Variants in ZNG1E observed in about 807,000 individuals in gnomAD.
The protein encoded by ZNG1E is Zn regulated GTPase metalloprotein activator 1E.
the ZNG1E span, among the ~76,000 whole-genome samples, chr9:65,675,126 A>G: frequency 6.6e-6 from 1 of 152,046 alleles, no homozygotes; most frequent in Non-Finnish European, 1.5e-5. Context: ...GAACCAATTC[A>G]TGACTGTTGT....
chr9:65,673,817 G>A, the ZNG1E span, among the ~76,000 whole-genome samples: 2 of 152,298 alleles, frequency 1.3e-5, no homozygotes, highest in Non-Finnish European at 2.9e-5. Flanking sequence ...AAAACAGAAA[G>A]AGGGATTTTA....
chr9:65,726,434 G>A, the ZNG1E span, among the ~76,000 whole-genome samples: 3 of 71,738 alleles, frequency 4.2e-5, no homozygotes, highest in African/African-American at 5.0e-5. Context: ...GAATTCACTA[G>A]GTTGGTTATT....
chr9:65,669,410 A>G, the ZNG1E span, among the ~76,000 whole-genome samples: 10 of 150,566 alleles, frequency 6.6e-5, no homozygotes, highest in Admixed American at 6.7e-5. Context: ...TATAGCCACA[A>G]ATGTCCATTT....
chr9:65,684,718 C>G, the ZNG1E span, among the ~76,000 whole-genome samples: 41 of 152,214 alleles, frequency 2.7e-4, no homozygotes, highest in Non-Finnish European at 4.7e-4. Context: ...TCTACTGAAT[C>G]GGAATCTCTA....
chr9:65,663,975 G>A, the ZNG1E span, among the ~76,000 whole-genome samples: 3 of 148,972 alleles, frequency 2.0e-5, no homozygotes, highest in East Asian at 2.0e-4. Context: ...ATATATATAT[G>A]TATAGCATAT....
At chr9:65,709,503 T>TC in the ZNG1E span, among the ~76,000 whole-genome samples, 1 of 94,738 alleles carries the variant, frequency 1.1e-5, no homozygotes, top group Non-Finnish European at 2.0e-5. Context: ...CCCTCCCCCC[T>TC]CCCCCCAACC....
chr9:65,687,682 A>T, the ZNG1E span, among the ~76,000 whole-genome samples: 1 of 150,818 alleles, frequency 6.6e-6, no homozygotes, highest in African/African-American at 2.4e-5. Flanking sequence ...CCTGAAAAAT[A>T]ACTTGTTTGG....
At chr9:65,666,883 C>T in the ZNG1E span, among the ~76,000 whole-genome samples, 42 of 151,784 alleles carry the variant, frequency 2.8e-4, no homozygotes, top group East Asian at 9.6e-4. Context: ...TGCAATGGCA[C>T]GATCTTGGCT....
chr9:65,718,943 G>A, the ZNG1E span, among the ~76,000 whole-genome samples: 1 of 57,678 alleles, frequency 1.7e-5, no homozygotes, highest in African/African-American at 6.7e-5. Flanking sequence ...TTAAATGTTC[G>A]TTGTTAGATT....
chr9:65,699,157 A>C, the ZNG1E span, among the ~76,000 whole-genome samples: 7 of 150,298 alleles, frequency 4.7e-5, no homozygotes, highest in Non-Finnish European at 8.9e-5. Context: ...TCCTGACCTC[A>C]GGTGATCCAC....
the ZNG1E span, among the ~76,000 whole-genome samples, chr9:65,710,688 G>A: frequency 1.3e-5 from 2 of 150,912 alleles, no homozygotes; most frequent in African/African-American, 4.9e-5. Context: ...TATTTCTGAG[G>A]GCTCTGTTCT....
At chr9:65,721,066 G>C in the ZNG1E span, among the ~76,000 whole-genome samples, 1 of 149,922 alleles carries the variant, frequency 6.7e-6, no homozygotes, top group African/African-American at 2.5e-5. Flanking sequence ...TAAAGAACGT[G>C]ATGCCAAGAA....
At chr9:65,724,114 A>T in the ZNG1E span, among the ~76,000 whole-genome samples, 1 of 148,064 alleles carries the variant, frequency 6.8e-6, no homozygotes, top group East Asian at 2.0e-4. Flanking sequence ...ACCAACTATG[A>T]GTTGTGACCC....
the ZNG1E span, chr9:65,708,073 CCAGGATGGT>C: frequency 1.3e-5 from 2 of 149,134 alleles, no homozygotes; most frequent in Non-Finnish European, 1.5e-5. Flanking sequence ...TTGTCCATGG[CCAGGATGGT>C]CTTGATCTTG....
the ZNG1E span, among the ~76,000 whole-genome samples, chr9:65,701,733 GA>G: frequency 7.4e-6 from 1 of 135,222 alleles, no homozygotes; most frequent in African/African-American, 2.9e-5. Context: ...GGCTGATTTT[GA>G]AAAGGAGAAA....
chr9:65,666,957 A>T, the ZNG1E span, among the ~76,000 whole-genome samples: 1,286 of 151,298 alleles, frequency 8.5e-3, 1 homozygote, highest in East Asian at 0.025. Flanking sequence ...AGTAGCTGGG[A>T]TTACAGGAGT....
At chr9:65,709,063 A>T in the ZNG1E span, 1 of 1,441,824 alleles carries the variant, frequency 6.9e-7, no homozygotes, top group South Asian at 1.2e-5. Flanking sequence ...GCTTCCTGCC[A>T]TTCCTTTGGC....
chr9:65,731,503 ATACCTAATATATATGGTTTAAGCAAT>A, the ZNG1E span: 4 of 590,648 alleles, frequency 6.8e-6, no homozygotes, highest in East Asian at 1.1e-4. Context: ...GGAAAGTATA[ATACCTAATATATATGGTTTAAGCAAT>A]GTAAAATTCC....
chr9:65,659,104 G>T, the ZNG1E span, among the ~76,000 whole-genome samples: 3 of 152,232 alleles, frequency 2.0e-5, no homozygotes, highest in Admixed American at 6.5e-5. Context: ...TCAGAAGACA[G>T]GAAGTACTCA....
Sources: allele counts gnomAD v4.1 joint callset (sites outside exome capture counted in the v4.1 genomes callset), GRCh38; gene constraint gnomAD v4.1.1; transcripts MANE v1.5; gene names NCBI Gene and HGNC (gene_info 2026-07-23, HGNC 2026-07-21).